CXorf58: variants seen among roughly 807,000 people sequenced by gnomAD.
The protein encoded by CXorf58 is uncharacterized protein CXorf58.
Under a neutral mutation model 26.0 loss-of-function variants are expected in CXorf58, and 24 were observed. The ratio of observed to expected loss-of-function variants is 0.92; its 90% CI spans 0.67 to 1.30. CXorf58 has a LOEUF of 1.30. Among genes scored for constraint, CXorf58 ranks in the 50% most tolerant of loss-of-function variants. CXorf58 has a pLI of 0.00. For missense variants in CXorf58, 236 were observed against 263.9 expected (o/e 0.89, Z 0.73); for synonymous variants, 87 against 86.1 (o/e 1.01, Z -0.06).
At chrX:23,917,019 A>G (rs951782172) in intron 5 of CXorf58, among the ~76,000 whole-genome samples, 2 of 110,034 alleles carry the variant, frequency 1.8e-5, no homozygotes, top group Non-Finnish European at 3.8e-5. Context: ...TAGAAAAAAA[A>G]TGGTCTGGAC....
At chrX:23,935,094 G>C in intron 6 of CXorf58, 102 bp from the exon 7 acceptor site, 1 of 576,312 alleles carries the variant, frequency 1.7e-6, no homozygotes, top group East Asian at 3.3e-5. Context: ...ACGAACTCCT[G>C]ACCTCAGGTG....
intron 2 of CXorf58, among the ~76,000 whole-genome samples, chrX:23,911,329 G>A (rs1435851056): frequency 9.0e-6 from 1 of 111,484 alleles, no homozygotes; most frequent in African/African-American, 3.3e-5. Flanking sequence ...ACCCCCAGAA[G>A]AGAACTGGGC....
At chrX:23,931,884 A>G (rs1294667641) in intron 6 of CXorf58, among the ~76,000 whole-genome samples, 2 of 112,494 alleles carry the variant, frequency 1.8e-5, no homozygotes, top group East Asian at 2.7e-4. Context: ...AAAATGAAAG[A>G]AAAAAACCCA....
At chrX:23,914,534 T>A (rs1927669784) in intron 3 of CXorf58, among the ~76,000 whole-genome samples, 1 of 112,131 alleles carries the variant, frequency 8.9e-6, no homozygotes, top group African/African-American at 3.2e-5. Flanking sequence ...TGCCTTTTTA[T>A]AAATTACAAA....
intron 5 of CXorf58, among the ~76,000 whole-genome samples, chrX:23,920,089 G>C (rs1298489452): frequency 8.9e-6 from 1 of 112,243 alleles, no homozygotes; most frequent in Non-Finnish European, 1.9e-5. Flanking sequence ...ACCACCACTG[G>C]GACTGCACTG....
chrX:23,937,429 T>C (rs776636170), intron 7 of CXorf58, among the ~76,000 whole-genome samples: 1 of 106,064 alleles, frequency 9.4e-6, no homozygotes, highest in South Asian at 4.3e-4. Context: ...TTCTTTTCTT[T>C]TTTTTTTTTT....
In CXorf58 at chrX:23,937,671, C is replaced by T. The variant is rs1010366223; in HGVS notation, c.786-876C>T. On this transcript the variant is annotated intron_variant, in intron 7 of 8. Transcript: ENST00000379211. ...AACTCCAGACCTCAGGTGATCCACC[C>T]GCCTTGGCCTCCCAAAGTGCTGGGA... Among the ~76,000 whole-genome samples, 7 of 109,895 alleles carry T rather than the reference C, an allele frequency of 6.4e-5. 1 individual carries two copies. Among genetic ancestry groups the T allele is most frequent in the Admixed American group, 3.9e-4 (4 of 10,216 alleles).
intron 1 of CXorf58, among the ~76,000 whole-genome samples, chrX:23,909,231 G>T (rs1010072152): frequency 4.5e-5 from 5 of 111,821 alleles, no homozygotes; most frequent in Non-Finnish European, 7.5e-5. Context: ...TAATTCAGGG[G>T]GTATGTGAAC....
chrX:23,911,945 T>C (rs1927591909), intron 3 of CXorf58, 89 bp downstream of exon 3: 1 of 646,669 alleles, frequency 1.5e-6, no homozygotes, highest in Non-Finnish European at 2.4e-6. Context: ...TAACCTTCTT[T>C]ATCTCCTCTT....
intron 5 of CXorf58, among the ~76,000 whole-genome samples, chrX:23,921,652 TTTTG>T (rs1282755048): frequency 1.8e-5 from 2 of 111,610 alleles, no homozygotes; most frequent in East Asian, 2.8e-4. Context: ...TCTTTGTGTT[TTTTG>T]TTTGTTTTTG....
At chrX:23,933,280 AATGTGACTGTG>A (rs1474960801) in intron 6 of CXorf58, among the ~76,000 whole-genome samples, 50 of 111,020 alleles carry the variant, frequency 4.5e-4, no homozygotes, top group African/African-American at 1.6e-3. Flanking sequence ...TGAAAGCATG[AATGTGACTGTG>A]TAATATACCC....
At chrX:23,914,659 G>T (rs972014316) in intron 3 of CXorf58, among the ~76,000 whole-genome samples, 3 of 110,973 alleles carry the variant, frequency 2.7e-5, no homozygotes, top group Admixed American at 9.5e-5. Context: ...GCTGAGGCGG[G>T]TGGATCACCT....
chrX:23,923,641 A>G (rs931081690), intron 5 of CXorf58, among the ~76,000 whole-genome samples: 21 of 76,516 alleles, frequency 2.7e-4, no homozygotes, highest in Admixed American at 2.3e-3. Context: ...TCTGTCTCAG[A>G]AAAAAAAAAA....
rs963066713 is a variant in CXorf58, at chrX:23,938,598, T to A, written c.837T>A (p.Asn279Lys). 9 of 1,198,302 alleles carry A rather than the reference T, an allele frequency of 7.5e-6. No individual in the cohort carries two copies. Among genetic ancestry groups the A allele is most frequent in the Non-Finnish European group, 1.0e-5 (9 of 888,225 alleles). ...QPLYRPYKQQ[N>K]QVKFLGRRSK... Reference sequence around the variant, plus strand: ...TATATCGGCCCTACAAACAGCAAAATCAAGTTAAATTTCTGGGTCGTCGAT... The same window carrying A: ...TATATCGGCCCTACAAACAGCAAAAACAAGTTAAATTTCTGGGTCGTCGAT... Residue 279 changes from asparagine (N) to lysine (K), a missense_variant, in exon 8 of 9, where the codon AAT (asparagine) becomes AAA (lysine). Asn to Lys is a moderately conservative substitution (Grantham distance 94). Coordinates refer to ENST00000379211, the MANE Select transcript of CXorf58 (RefSeq NM_152761.3).
chrX:23,914,870 C>T (rs1927680251), intron 3 of CXorf58, among the ~76,000 whole-genome samples: 1 of 110,511 alleles, frequency 9.0e-6, no homozygotes, highest in Admixed American at 9.6e-5. Context: ...AGTGGTGGCT[C>T]ACACCTGTAA....
At chrX:23,927,627 A>T (rs1928049113) in intron 6 of CXorf58, among the ~76,000 whole-genome samples, 1 of 109,896 alleles carries the variant, frequency 9.1e-6, no homozygotes, top group Admixed American at 9.8e-5. Context: ...GTACATGTAG[A>T]GGTTTGTTAT....
chrX:23,937,071 T>C (rs1928311819), intron 7 of CXorf58, among the ~76,000 whole-genome samples: 1 of 112,353 alleles, frequency 8.9e-6, no homozygotes, highest in Non-Finnish European at 1.9e-5. Flanking sequence ...CATCTTTGAA[T>C]GCAGTTGTAG....
chrX:23,914,021 C>G (rs749061398), intron 3 of CXorf58, among the ~76,000 whole-genome samples: 1 of 111,770 alleles, frequency 8.9e-6, no homozygotes, highest in South Asian at 3.7e-4. Flanking sequence ...GAAGGAAATT[C>G]TTTTTTATCT....
Position 23,916,333 on chromosome X carries a change from C to G in CXorf58, c.423+5C>G. 1 of 1,065,842 alleles carries G rather than the reference C, an allele frequency of 9.4e-7. No homozygotes were observed. The highest frequency in any genetic ancestry group is 1.3e-6 in the Non-Finnish European group (1 of 767,547). The allele number at this position is 1,065,842 out of a possible 1,213,427, so 87.8% of individuals were successfully genotyped here. A position where few individuals can be genotyped will look rare whatever the true frequency, so the allele number is the denominator to read the frequency against. On this transcript the variant is annotated splice_donor_5th_base_variant and intron_variant, in intron 5 of 8. Coordinates refer to ENST00000379211, the MANE Select transcript of CXorf58 (RefSeq NM_152761.3). The stretch of plus-strand genomic sequence containing the variant: ...GTATTAATGCCGTCAAGTAAGGTGA[C>G]GTTTCATGATGTACATTTTATGTTA...
Sources: allele counts gnomAD v4.1 joint callset (sites outside exome capture counted in the v4.1 genomes callset), GRCh38; gene constraint gnomAD v4.1.1; transcripts MANE v1.5; gene names NCBI Gene and HGNC (gene_info 2026-07-23, HGNC 2026-07-21).